Variants in TEX29 observed in about 807,000 individuals in gnomAD.
TEX29 encodes the protein testis expressed 29.
In TEX29, 26 loss-of-function variants were observed where a neutral mutation model predicts 18.2. The ratio of observed to expected loss-of-function variants is 1.43; its 90% CI spans 1.04 to 1.98. TEX29 has a LOEUF of 1.98. Among genes scored for constraint, TEX29 ranks in the 30% most tolerant of loss-of-function variants. The pLI, the probability that TEX29 is intolerant of heterozygous loss-of-function variation, is 0.00. For synonymous variants in TEX29, 83 were observed against 78.5 expected (o/e 1.06, Z -0.31); for missense variants, 177 against 194.2 (o/e 0.91, Z 0.53).
Position 111,344,070 on chromosome 13 carries a change from T to A in TEX29, c.416-13T>A. The A allele has an allele frequency of 6.2e-7, 1 of 1,607,742 alleles. No individual in the cohort carries two copies. Among genetic ancestry groups the A allele is most frequent in the Non-Finnish European group, 8.5e-7 (1 of 1,175,348 alleles). Reference sequence around the variant, plus strand: ...CCATTTGAAAAAACAATTCTTCTTTTCTAAAAATCTAGTAACAGGGACAAT... The same window carrying A: ...CCATTTGAAAAAACAATTCTTCTTTACTAAAAATCTAGTAACAGGGACAAT... On this transcript the variant is annotated splice_polypyrimidine_tract_variant and intron_variant, in intron 5 of 5. Coordinates refer to ENST00000283547, the MANE Select transcript of TEX29 (RefSeq NM_152324.3).
upstream of TEX29, among the ~76,000 whole-genome samples, chr13:111,319,512 C>T (rs1199169989): frequency 6.6e-6 from 1 of 152,176 alleles, no homozygotes; most frequent in African/African-American, 2.4e-5. Flanking sequence ...CCCTAGATGC[C>T]TCCTCTGTCC....
At position 111,344,140 on chromosome 13, in the gene TEX29, A is replaced by C; in HGVS notation, c.*17A>C. ...GAGGACTGACTGAGACGCATGAAGA[A>C]GTGGAGATTGTCAGAATTATCCAAA... On this transcript the variant is annotated 3_prime_UTR_variant, in exon 6 of 6. Coordinates refer to ENST00000283547, the MANE Select transcript of TEX29 (RefSeq NM_152324.3). The C allele has an allele frequency of 6.2e-7, 1 of 1,610,052 alleles. No homozygotes were observed. Among genetic ancestry groups the C allele is most frequent in the Admixed American group, 1.7e-5 (1 of 60,002 alleles).
intron 5 of TEX29, 69 bp downstream of exon 5, chr13:111,343,000 C>T (rs2093699151): frequency 1.3e-6 from 2 of 1,543,156 alleles, no homozygotes; most frequent in South Asian, 1.2e-5. Flanking sequence ...GGGAGACCTT[C>T]CCTGGGAAGG....
At chr13:111,334,974 A>C (rs1400572370) in intron 3 of TEX29, among the ~76,000 whole-genome samples, 4 of 152,210 alleles carry the variant, frequency 2.6e-5, no homozygotes, top group Non-Finnish European at 5.9e-5. Flanking sequence ...AGAGATGGGA[A>C]CAGGGCTAGA....
intron 3 of TEX29, among the ~76,000 whole-genome samples, chr13:111,336,365 GTA>G (rs1234266276): frequency 1.3e-5 from 2 of 152,228 alleles, no homozygotes; most frequent in Non-Finnish European, 2.9e-5. Context: ...GCAAGTTGTA[GTA>G]TTCAGTGACA....
At chr13:111,331,703 G>C (rs777344148) in intron 3 of TEX29, among the ~76,000 whole-genome samples, 1 of 151,944 alleles carries the variant, frequency 6.6e-6, no homozygotes, top group Middle Eastern at 3.2e-3. Context: ...TTACATTTTG[G>C]TCTTTTTATC....
Position 111,328,256 on chromosome 13 carries a change from C to T in TEX29, c.132C>T (p.Cys44=). Residue 44 remains cysteine (C), a synonymous_variant, in exon 3 of 6, where the codon TGC becomes TGT. Coordinates refer to ENST00000283547, the MANE Select transcript of TEX29 (RefSeq NM_152324.3). ...SRDRCQELGC[C]FYEGVCYKKA... is the part of the protein sequence containing the mutation. ...ACCGATGCCAGGAGCTCGGGTGCTG[C>T]TTCTACGAAGGCGTCTGCTACAAGA... The T allele has an allele frequency of 1.2e-6, 2 of 1,614,002 alleles. No homozygotes were observed. Among genetic ancestry groups the T allele is most frequent in the Non-Finnish European group, 1.7e-6 (2 of 1,180,010 alleles).
chr13:111,329,130 G>A (rs1291639994), intron 3 of TEX29, among the ~76,000 whole-genome samples: 1 of 152,156 alleles, frequency 6.6e-6, no homozygotes, highest in African/African-American at 2.4e-5. Context: ...TCCTTGTCCT[G>A]TGGAGGCCCC....
chr13:111,335,857 G>A (rs569169279), intron 3 of TEX29, among the ~76,000 whole-genome samples: 3 of 152,178 alleles, frequency 2.0e-5, no homozygotes, highest in Non-Finnish European at 4.4e-5. Context: ...GGGAACTCAC[G>A]TCCAAGCTGC....
chr13:111,340,020 G>T (rs944032284), intron 4 of TEX29, 88 bp downstream of exon 4: 6 of 1,309,270 alleles, frequency 4.6e-6, no homozygotes, highest in Non-Finnish European at 5.5e-6. Flanking sequence ...GGGCTCCTTC[G>T]GGCTTGGTGC....
At chr13:111,343,186 T>C (rs1414553342) in intron 5 of TEX29, among the ~76,000 whole-genome samples, 1 of 152,150 alleles carries the variant, frequency 6.6e-6, no homozygotes, top group Non-Finnish European at 1.5e-5. Context: ...CTCCCTGTCA[T>C]TTCACCCTCT....
intron 3 of TEX29, among the ~76,000 whole-genome samples, chr13:111,334,625 T>G (rs1034693712): frequency 7.9e-5 from 12 of 152,240 alleles, no homozygotes; most frequent in African/African-American, 2.7e-4. Flanking sequence ...TATGCACATC[T>G]CATTTCCCAG....
At chr13:111,318,989 G>A (rs756771964), upstream of TEX29, among the ~76,000 whole-genome samples, 5 of 152,140 alleles carry the variant, frequency 3.3e-5, no homozygotes, top group South Asian at 4.1e-4. Context: ...CATATCCGGC[G>A]CCTTCTCACT....
chr13:111,339,076 C>T (rs886795648), intron 3 of TEX29, among the ~76,000 whole-genome samples: 5 of 152,204 alleles, frequency 3.3e-5, no homozygotes, highest in Admixed American at 2.6e-4. Flanking sequence ...GTTCCTCCTC[C>T]CAGTTACCCC....
At chr13:111,320,021 T>C (rs2093661190), upstream of TEX29, among the ~76,000 whole-genome samples, 1 of 152,232 alleles carries the variant, frequency 6.6e-6, no homozygotes, top group Non-Finnish European at 1.5e-5. Flanking sequence ...TGTGGTTTCA[T>C]GCCCTGCCCT....
At chr13:111,327,680 C>G (rs148718984) in intron 2 of TEX29, among the ~76,000 whole-genome samples, 1 of 152,216 alleles carries the variant, frequency 6.6e-6, no homozygotes, top group African/African-American at 2.4e-5. Flanking sequence ...TTACCTCCCA[C>G]GGCGCGCCGC....
At chr13:111,326,626 G>T (rs1278648774) in intron 2 of TEX29, among the ~76,000 whole-genome samples, 1 of 149,588 alleles carries the variant, frequency 6.7e-6, no homozygotes, top group African/African-American at 2.5e-5. Context: ...GTCTGGTGGG[G>T]TGGAGGAGAC....
At position 111,320,865 on chromosome 13, in the gene TEX29, G is replaced by T. The variant is rs762418312; in HGVS notation, c.-26G>T. 3.1e-6 allele frequency: 5 copies of T among 1,613,540 alleles called. No homozygotes were observed. The highest frequency in any genetic ancestry group is 3.3e-4 in the Middle Eastern group (2 of 6,060). ...CCTCTCCTGTTTTCCAGGTGTGCTCGGCCCCTTCATCTGTCAGCTGCAGCA... is the reference window on the plus strand; with the variant it reads ...CCTCTCCTGTTTTCCAGGTGTGCTCTGCCCCTTCATCTGTCAGCTGCAGCA... On this transcript the variant is annotated 5_prime_UTR_variant, in exon 2 of 6. Coordinates refer to ENST00000283547, the MANE Select transcript of TEX29 (RefSeq NM_152324.3).
At chr13:111,327,224 C>T (rs1325076223) in intron 2 of TEX29, among the ~76,000 whole-genome samples, 1 of 152,224 alleles carries the variant, frequency 6.6e-6, no homozygotes, top group African/African-American at 2.4e-5. Flanking sequence ...GTCCATGATG[C>T]TTCTGACAGA....
Sources: gnomAD v4.1 joint callset for allele counts (sites outside exome capture counted in the v4.1 genomes callset) on GRCh38, gnomAD v4.1.1 for gene constraint, MANE v1.5 for transcripts, NCBI Gene and HGNC (gene_info 2026-07-23, HGNC 2026-07-21) for gene names.